The following OPCML variants were observed in gnomAD, a reference collection of about 807,000 sequenced individuals.
OPCML encodes the protein opioid binding protein/cell adhesion molecule like, also known as opioid-binding protein/cell adhesion molecule.
A neutral mutation model predicts 37.8 loss-of-function variants in OPCML; 13 were observed. The observed-to-expected ratio is 0.34, with a 90% CI of 0.22 to 0.55. OPCML has a LOEUF of 0.55. Ranked by LOEUF, OPCML falls within the 20% of genes least tolerant of loss-of-function variation. The pLI is 0.91. For synonymous variants in OPCML, 176 were observed against 168.8 expected (o/e 1.04, Z -0.33); for missense variants, 341 against 435.6 (o/e 0.78, Z 1.93).
intron 1 of OPCML, among the ~76,000 whole-genome samples, chr11:133,103,391 C>T (rs1288633124): frequency 6.6e-6 from 1 of 152,074 alleles, no homozygotes; most frequent in Admixed American, 6.5e-5. Flanking sequence ...AAAAAAGTGC[C>T]CCCTCTATAC....
chr11:132,450,327 G>A (rs1379479699), intron 4 of OPCML, among the ~76,000 whole-genome samples: 1 of 152,218 alleles, frequency 6.6e-6, no homozygotes, highest in Non-Finnish European at 1.5e-5. Flanking sequence ...AAGACAAAGA[G>A]GAACGCAAGG....
At chr11:133,377,176 G>T (rs1055491574) in intron 1 of OPCML, among the ~76,000 whole-genome samples, 1 of 152,128 alleles carries the variant, frequency 6.6e-6, no homozygotes, top group African/African-American at 2.4e-5. Context: ...GGCACAGGGG[G>T]TGAGATTTGG....
chr11:132,890,397 C>G (rs1370247476), intron 2 of OPCML, among the ~76,000 whole-genome samples: 4 of 152,172 alleles, frequency 2.6e-5, no homozygotes, highest in Non-Finnish European at 4.4e-5. Flanking sequence ...CAGACATCCA[C>G]ATCAGCATTT....
intron 1 of OPCML, among the ~76,000 whole-genome samples, chr11:133,052,503 G>A (rs774068898): frequency 1.1e-4 from 17 of 152,272 alleles, no homozygotes; most frequent in East Asian, 5.8e-4. Context: ...TCATGTCCAC[G>A]TGCTTCATAC....
intron 1 of OPCML, among the ~76,000 whole-genome samples, chr11:133,171,273 C>G (rs967834746): frequency 4.6e-5 from 7 of 152,204 alleles, no homozygotes; most frequent in Non-Finnish European, 8.8e-5. Context: ...CTTCCATTAT[C>G]TCACCAGATT....
chr11:132,937,595 GGT>G (rs58674976), intron 2 of OPCML, among the ~76,000 whole-genome samples: 17,138 of 88,256 alleles, frequency 0.19, 1,103 homozygotes, highest in Non-Finnish European at 0.23. Context: ...GCGTGTGTGG[GGT>G]GTGTGTGTGT....
chr11:132,645,271 C>T (rs578198413), intron 3 of OPCML, among the ~76,000 whole-genome samples: 1 of 152,332 alleles, frequency 6.6e-6, no homozygotes, highest in Non-Finnish European at 1.5e-5. Context: ...AGGGAAAGGA[C>T]TTGAAGGGAA....
intron 1 of OPCML, among the ~76,000 whole-genome samples, chr11:133,150,580 C>T (rs1949965242): frequency 6.6e-6 from 1 of 152,124 alleles, no homozygotes; most frequent in South Asian, 2.1e-4. Flanking sequence ...ATGCCTTGGC[C>T]CCTTACTGTC....
rs147470084 is a variant in OPCML at position 133,053,427 on chromosome 11, G to A, written c.62-110417C>T. ...GCTCTCTTTAACAACAAAGCTCTTC[G>A]TAAAAGATCACATATGCTCTCTGAT... On this transcript the variant is annotated intron_variant, in intron 1 of 7. Coordinates refer to ENST00000524381, the MANE Select transcript of OPCML (RefSeq NM_001012393.5). 3.7e-3 allele frequency among the ~76,000 whole-genome samples: 560 copies of A among 152,164 alleles called. 2 individuals carry two copies. The highest frequency in any genetic ancestry group is 5.9e-3 in the Non-Finnish European group (400 of 68,020).
chr11:133,010,908 A>G (rs970652238), intron 1 of OPCML, among the ~76,000 whole-genome samples: 1 of 152,216 alleles, frequency 6.6e-6, no homozygotes, highest in African/African-American at 2.4e-5. Flanking sequence ...TCAACAGGGA[A>G]TTTATTTGTG....
At chr11:133,432,819 G>A (rs1304241739) in intron 1 of OPCML, among the ~76,000 whole-genome samples, 1 of 152,130 alleles carries the variant, frequency 6.6e-6, no homozygotes, top group East Asian at 1.9e-4. Context: ...GCATTTTTGA[G>A]AGAGACACAG....
chr11:133,175,363 G>A (rs1950352100), intron 1 of OPCML, among the ~76,000 whole-genome samples: 1 of 151,864 alleles, frequency 6.6e-6, no homozygotes. Context: ...CTGGTGGTGA[G>A]AAAGCTCTCT....
intron 4 of OPCML, among the ~76,000 whole-genome samples, chr11:132,439,475 C>T (rs2096024648): frequency 6.6e-6 from 1 of 152,226 alleles, no homozygotes; most frequent in Non-Finnish European, 1.5e-5. Context: ...CAGGCTAGTT[C>T]ATACACTAAC....
chr11:133,068,456 GC>G (rs1467191318), intron 1 of OPCML, among the ~76,000 whole-genome samples: 2 of 152,244 alleles, frequency 1.3e-5, no homozygotes, highest in Admixed American at 6.5e-5. Context: ...TGCGGACGCT[GC>G]CCTTCTTCCA....
intron 1 of OPCML, among the ~76,000 whole-genome samples, chr11:133,423,903 T>A (rs1004044247): frequency 4.6e-5 from 7 of 152,208 alleles, no homozygotes; most frequent in African/African-American, 1.4e-4. Context: ...TGTGACAACC[T>A]GGCTCTCCTT....
chr11:132,791,356 T>C (rs189074959), intron 2 of OPCML, among the ~76,000 whole-genome samples: 6 of 152,272 alleles, frequency 3.9e-5, no homozygotes, highest in Admixed American at 3.9e-4. Context: ...AAAACAAAGT[T>C]ACCTGTCTTT....
chr11:132,475,580 G>C (rs2096152403), intron 4 of OPCML, among the ~76,000 whole-genome samples: 1 of 152,126 alleles, frequency 6.6e-6, no homozygotes, highest in Non-Finnish European at 1.5e-5. Context: ...ACAGAGAAAA[G>C]AACATGTGAA....
chr11:132,507,988 T>C (rs2096261004), intron 4 of OPCML, among the ~76,000 whole-genome samples: 1 of 152,188 alleles, frequency 6.6e-6, no homozygotes, highest in Admixed American at 6.5e-5. Flanking sequence ...TTTTCCTGAC[T>C]AAACATTTTA....
intron 1 of OPCML, among the ~76,000 whole-genome samples, chr11:133,357,744 C>CA (rs1221356675): frequency 6.6e-6 from 1 of 152,194 alleles, no homozygotes. Flanking sequence ...GTGAAGCCTA[C>CA]ACTTCCCTGT....
Sources: gnomAD v4.1 joint callset for allele counts (sites outside exome capture counted in the v4.1 genomes callset) on GRCh38, gnomAD v4.1.1 for gene constraint, MANE v1.5 for transcripts, NCBI Gene and HGNC (gene_info 2026-07-23, HGNC 2026-07-21) for gene names.